CSMD3: variants seen among roughly 807,000 people sequenced by gnomAD.
CSMD3 encodes CUB and sushi domain-containing protein 3.
Under a neutral mutation model 435.2 loss-of-function variants are expected in CSMD3, and 177 were observed. The ratio of observed to expected loss-of-function variants is 0.41; its 90% CI spans 0.36 to 0.46. The LOEUF (loss-of-function observed/expected upper bound fraction) is 0.46. Among genes scored for constraint, CSMD3 ranks in the 20% least tolerant of loss-of-function variants. CSMD3 has a pLI of 0.34. For synonymous variants in CSMD3, 1,656 were observed against 1,520.5 expected, an observed-to-expected ratio of 1.09 and a Z score of -2.07; for missense variants, 4,265 against 4,504.6, an observed-to-expected ratio of 0.95 and a Z score of 1.52.
chr8:113,328,096 C>G (rs1257041050), intron 1 of CSMD3, among the ~76,000 whole-genome samples: 2 of 150,718 alleles, frequency 1.3e-5, no homozygotes, highest in African/African-American at 2.5e-5. Flanking sequence ...CAGACACACA[C>G]AGACACACAC....
At position 112,908,400 on chromosome 8, in the gene CSMD3, G is replaced by A. The variant is rs368480510; in HGVS notation, c.1633+13227C>T. On this transcript the variant is annotated intron_variant, in intron 10 of 70. Transcript: ENST00000297405. ...TCATTTAGCACTTGAAAGTAAGAGT[G>A]GCTTATATCTTTATAACTTTGTAGC... Among the ~76,000 whole-genome samples, 8 of 151,454 alleles carry A rather than the reference G, an allele frequency of 5.3e-5. No homozygotes were observed. The South Asian group carries it at 1.7e-3, about 31-fold the overall frequency.
rs71309788 is a variant in CSMD3, at chr8:112,747,962, C to CAAAAAAAAAAAAAAAAA, written c.1972+52183_1972+52199dup. 9.7e-4 allele frequency among the ~76,000 whole-genome samples: 94 copies of CAAAAAAAAAAAAAAAAA among 96,736 alleles called. 4 individuals are homozygous for CAAAAAAAAAAAAAAAAA. Among genetic ancestry groups the CAAAAAAAAAAAAAAAAA allele is most frequent in the African/African-American group, 2.3e-3 (61 of 25,968 alleles). 63.5% of individuals were successfully genotyped at this position (96,736 alleles called of 152,430 possible). A position where few individuals can be genotyped will look rare whatever the true frequency, so the allele number is the denominator to read the frequency against. ...TGGGCGACAGAACAAGACTCCGTCTCAAAAAAAAAAAAAAAAAAAAAAAAC... is the reference window on the plus strand; with the variant it reads ...TGGGCGACAGAACAAGACTCCGTCTCAAAAAAAAAAAAAAAAAAAAAAAAAAAAAAAAAAAAAAAAAC... On this transcript the variant is annotated intron_variant, in intron 13 of 70. Transcript: ENST00000297405.
At chr8:113,112,707 T>A (rs1356130170) in intron 4 of CSMD3, among the ~76,000 whole-genome samples, 1 of 151,942 alleles carries the variant, frequency 6.6e-6, no homozygotes, top group Non-Finnish European at 1.5e-5. Context: ...TCCCAAATAG[T>A]GCTAATCACA....
chr8:112,680,571 T>C (rs1755687058), intron 16 of CSMD3, among the ~76,000 whole-genome samples: 1 of 152,188 alleles, frequency 6.6e-6, no homozygotes, highest in Admixed American at 6.5e-5. Context: ...AATACCATCA[T>C]AGTCATAATT....
At chr8:112,870,272 A>T (rs890611845) in intron 10 of CSMD3, among the ~76,000 whole-genome samples, 8 of 141,300 alleles carry the variant, frequency 5.7e-5, no homozygotes, top group Non-Finnish European at 1.2e-4. Context: ...CAGAATGGCT[A>T]TTTTTTTTTT....
rs141864545 is a variant in CSMD3 at position 112,311,109 on chromosome 8, C to T, written c.7754G>A (p.Gly2585Asp). Residue 2585 changes from glycine (G) to aspartate (D), a missense_variant, in exon 50 of 71, where the codon GGT (glycine) becomes GAT (aspartate). By Grantham distance (94) the Gly-to-Asp change is moderately conservative (BLOSUM62 -1). Transcript: ENST00000297405. ...PPHGYIISQT[G>D]GQLNSVVRWA... ...ACGGACCACACTGTTAAGCTGCCCA[C>T]CTGTCTGACTGATAATATATCCATG... 24 of 1,614,040 alleles carry T rather than the reference C, an allele frequency of 1.5e-5. No individual in the cohort carries two copies. In the African/African-American group the frequency reaches 2.8e-4, roughly 19 times the overall value.
intron 7 of CSMD3, among the ~76,000 whole-genome samples, chr8:112,965,603 T>C (rs1231672220): frequency 6.6e-6 from 1 of 151,950 alleles, no homozygotes; most frequent in Non-Finnish European, 1.5e-5. Flanking sequence ...TGGATAAAAA[T>C]GTTAAAATGG....
intron 59 of CSMD3, among the ~76,000 whole-genome samples, chr8:112,279,055 CAAA>C (rs964845077): frequency 7.6e-5 from 11 of 144,354 alleles, no homozygotes; most frequent in Non-Finnish European, 1.4e-4. Flanking sequence ...ACAACAACAA[CAAA>C]ACACTAGGAT....
chr8:113,082,325 G>A (rs982511680), intron 5 of CSMD3, among the ~76,000 whole-genome samples: 3 of 152,114 alleles, frequency 2.0e-5, no homozygotes, highest in African/African-American at 7.2e-5. Context: ...GCTGCATCCA[G>A]TCTCCACAAA....
chr8:112,583,082 G>A (rs1174988860), intron 23 of CSMD3, among the ~76,000 whole-genome samples: 2 of 152,156 alleles, frequency 1.3e-5, no homozygotes, highest in East Asian at 1.9e-4. Flanking sequence ...AGTTATCCAA[G>A]CAAGAGATAA....
chr8:112,966,033 T>A (rs2084403006), intron 7 of CSMD3, among the ~76,000 whole-genome samples: 1 of 151,702 alleles, frequency 6.6e-6, no homozygotes. Flanking sequence ...AAGAGAACAA[T>A]GGAAAAAGTA....
At chr8:112,499,918 G>A (rs544289124) in intron 30 of CSMD3, among the ~76,000 whole-genome samples, 2 of 152,100 alleles carry the variant, frequency 1.3e-5, no homozygotes, top group Admixed American at 1.3e-4. Flanking sequence ...AGACCAGCCT[G>A]GTCAACATGG....
intron 3 of CSMD3, among the ~76,000 whole-genome samples, chr8:113,221,061 T>A (rs763136088): frequency 1.3e-5 from 2 of 151,270 alleles, no homozygotes; most frequent in African/African-American, 2.4e-5. Context: ...ATATTTCAGA[T>A]GAAAGGAAGC....
intron 3 of CSMD3, among the ~76,000 whole-genome samples, chr8:113,185,146 T>C (rs1371870199): frequency 6.6e-6 from 1 of 152,014 alleles, no homozygotes; most frequent in Non-Finnish European, 1.5e-5. Context: ...AACTCAAATT[T>C]TGCCAGATTG....
chr8:112,770,262 A>G (rs2078079197), intron 13 of CSMD3, among the ~76,000 whole-genome samples: 1 of 152,026 alleles, frequency 6.6e-6, no homozygotes, highest in Non-Finnish European at 1.5e-5. Flanking sequence ...TAGGACCTTT[A>G]AAGGGTAAAG....
At chr8:112,931,959 G>T (rs2083122780) in intron 9 of CSMD3, among the ~76,000 whole-genome samples, 1 of 152,160 alleles carries the variant, frequency 6.6e-6, no homozygotes, top group Non-Finnish European at 1.5e-5. Context: ...ATGCTGGTGA[G>T]GATGCGGAGG....
chr8:113,077,707 A>G (rs2089402075), intron 5 of CSMD3, among the ~76,000 whole-genome samples: 1 of 152,168 alleles, frequency 6.6e-6, no homozygotes, highest in Non-Finnish European at 1.5e-5. Context: ...TTGTCTCAAA[A>G]CAAAAACAAA....
intron 23 of CSMD3, among the ~76,000 whole-genome samples, chr8:112,582,257 C>A (rs185427511): frequency 3.3e-5 from 5 of 152,194 alleles, no homozygotes; most frequent in African/African-American, 9.6e-5. Context: ...CTTCTCCCTT[C>A]ACCTTCTGCC....
chr8:112,907,695 A>G (rs2130502877), intron 10 of CSMD3, among the ~76,000 whole-genome samples: 1 of 151,508 alleles, frequency 6.6e-6, no homozygotes, highest in East Asian at 2.0e-4. Flanking sequence ...AACAGTGTTT[A>G]TGATTGGAAC....
Sources: gnomAD v4.1 joint callset for allele counts (sites outside exome capture counted in the v4.1 genomes callset) on GRCh38, gnomAD v4.1.1 for gene constraint, MANE v1.5 for transcripts, NCBI Gene and HGNC (gene_info 2026-07-23, HGNC 2026-07-21) for gene names.